The following HMCN1 variants were observed in gnomAD, a reference collection of about 807,000 sequenced individuals.
HMCN1 encodes hemicentin 1.
Under a neutral mutation model 625.9 loss-of-function variants are expected in HMCN1, and 321 were observed. That is an observed-to-expected ratio of 0.51 (90% CI 0.47 to 0.56). HMCN1 has a LOEUF of 0.56. Ranked by LOEUF, HMCN1 falls within the 20% of genes least tolerant of loss-of-function variation. HMCN1 has a pLI of 0.00. For missense variants in HMCN1, 6,588 were observed against 6,887.3 expected (o/e 0.96, Z 1.54); for synonymous variants, 2,425 against 2,417.6 (o/e 1.00, Z -0.09).
chr1:185,986,167 A>G (rs748306186), intron 19 of HMCN1, among the ~76,000 whole-genome samples: 1 of 152,184 alleles, frequency 6.6e-6, no homozygotes, highest in Non-Finnish European at 1.5e-5. Context: ...TTTGCTGGCA[A>G]TTCTTTAAGA....
At chr1:185,951,693 C>CACA (rs1491555422) in intron 11 of HMCN1, among the ~76,000 whole-genome samples, 1 of 151,710 alleles carries the variant, frequency 6.6e-6, no homozygotes, top group African/African-American at 2.4e-5. Context: ...ACAGATGGGA[C>CACA]GTGGCTTAGG....
intron 19 of HMCN1, among the ~76,000 whole-genome samples, chr1:185,985,544 G>A (rs956948357): frequency 3.3e-5 from 5 of 152,154 alleles, no homozygotes; most frequent in South Asian, 4.1e-4. Context: ...ACAGACAAAC[G>A]AATGATATGG....
At position 186,074,902 on chromosome 1, in the gene HMCN1, T is replaced by C; in HGVS notation, c.8290+11T>C. The C allele has an allele frequency of 6.3e-7, 1 of 1,585,596 alleles. No homozygotes were observed. Among genetic ancestry groups the C allele is most frequent in the Non-Finnish European group, 8.7e-7 (1 of 1,154,622 alleles). Reference sequence around the variant, plus strand: ...ATGTGAATATTCAAGGTAATACTAATTGCTTATTGTATATAATGTAATTTA... The same window carrying C: ...ATGTGAATATTCAAGGTAATACTAACTGCTTATTGTATATAATGTAATTTA... On this transcript the variant is annotated intron_variant, in intron 53 of 106. Transcript: ENST00000271588.
chr1:186,178,096 G>A (rs961050032), intron 103 of HMCN1, among the ~76,000 whole-genome samples: 3 of 152,198 alleles, frequency 2.0e-5, no homozygotes, highest in Admixed American at 6.5e-5. Context: ...GCCATCATAA[G>A]TGAGTCAAAG....
chr1:185,896,532 G>T (rs1258396555), intron 4 of HMCN1, among the ~76,000 whole-genome samples: 5 of 152,086 alleles, frequency 3.3e-5, no homozygotes, highest in Admixed American at 6.6e-5. Context: ...TGTTTACATA[G>T]AATTTATTAC....
chr1:185,779,803 T>G (rs895354554), intron 1 of HMCN1, among the ~76,000 whole-genome samples: 2 of 152,226 alleles, frequency 1.3e-5, no homozygotes, highest in Non-Finnish European at 2.9e-5. Flanking sequence ...TTTGTTCTTT[T>G]GGTTTAGGAT....
chr1:186,112,164 A>G (rs1483444145), intron 71 of HMCN1, among the ~76,000 whole-genome samples: 1 of 152,246 alleles, frequency 6.6e-6, no homozygotes, highest in Non-Finnish European at 1.5e-5. Context: ...ATTCTTAAGA[A>G]ATATTTGTGG....
intron 98 of HMCN1, 148 bp downstream of exon 98, chr1:186,165,321 A>T: frequency 1.3e-6 from 1 of 780,492 alleles, no homozygotes. Context: ...GGAAATTGAG[A>T]TGTAGAAAAG....
Position 186,003,751 on chromosome 1 carries a change from A to T in HMCN1, c.4382A>T (p.Asn1461Ile). ...PPTIIGTNFP[N>I]EVSVVLNRDV... Reference sequence around the variant, plus strand: ...ACCATAATAGGTACCAACTTCCCAAATGAAGTCTCAGTTGTCCTCAACCGT... The same window carrying T: ...ACCATAATAGGTACCAACTTCCCAATTGAAGTCTCAGTTGTCCTCAACCGT... Residue 1461 changes from asparagine to isoleucine, a missense_variant, in exon 29 of 107, where the codon AAT (asparagine) becomes ATT (isoleucine). Transcript: ENST00000271588. 6.2e-7 allele frequency: 1 copy of T among 1,613,208 alleles called. No individual in the cohort carries two copies. Among genetic ancestry groups the T allele is most frequent in the South Asian group, 1.1e-5 (1 of 91,068 alleles).
chr1:185,791,916 G>A (rs1202337886), intron 1 of HMCN1, among the ~76,000 whole-genome samples: 1 of 152,128 alleles, frequency 6.6e-6, no homozygotes, highest in Non-Finnish European at 1.5e-5. Context: ...TCCAGGATAT[G>A]CTTCACCCAG....
chr1:186,047,231 A>G (rs937180941), intron 41 of HMCN1, among the ~76,000 whole-genome samples: 5 of 152,134 alleles, frequency 3.3e-5, no homozygotes, highest in African/African-American at 1.2e-4. Context: ...CTGCTGAATG[A>G]AAGAGGGATG....
chr1:185,840,361 A>G (rs769553487), intron 1 of HMCN1, among the ~76,000 whole-genome samples: 7 of 152,168 alleles, frequency 4.6e-5, no homozygotes, highest in Non-Finnish European at 8.8e-5. Flanking sequence ...GGACATTATA[A>G]TTGATTTGTC....
intron 46 of HMCN1, among the ~76,000 whole-genome samples, chr1:186,059,711 T>C (rs1657561202): frequency 6.6e-6 from 1 of 152,070 alleles, no homozygotes; most frequent in Admixed American, 6.6e-5. Context: ...CTAAAAGCAG[T>C]ACTTTGGTGA....
In HMCN1 at chr1:186,095,333, C is replaced by T. The variant is rs1309057589; in HGVS notation, c.10385C>T (p.Thr3462Ile). The part of the protein sequence containing the change: ...STSMACITDG[T>I]PAPSMAWLRD... ...TCTATGGCATGCATTACTGATGGAACCCCAGCTCCCAGTATGGCCTGGCTT... is the reference window on the plus strand; with the variant it reads ...TCTATGGCATGCATTACTGATGGAATCCCAGCTCCCAGTATGGCCTGGCTT... Residue 3462 changes from threonine (T) to isoleucine (I), a missense_variant, in exon 68 of 107, where the codon ACC becomes ATC. Physicochemically the swap from Thr to Ile is moderately conservative, Grantham distance 89 (BLOSUM62 -1). Coordinates refer to ENST00000271588, the MANE Select transcript of HMCN1 (RefSeq NM_031935.3). 3.1e-6 allele frequency: 5 copies of T among 1,613,636 alleles called. No individual in the cohort carries two copies. Among genetic ancestry groups the T allele is most frequent in the Admixed American group, 1.7e-5 (1 of 59,870 alleles).
chr1:186,011,914 T>G (rs1654026585), intron 30 of HMCN1, among the ~76,000 whole-genome samples: 1 of 152,228 alleles, frequency 6.6e-6, no homozygotes, highest in African/African-American at 2.4e-5. Context: ...TAAGAATGAT[T>G]CTTTTCATTC....
intron 40 of HMCN1, among the ~76,000 whole-genome samples, chr1:186,044,481 C>T (rs945892734): frequency 6.6e-6 from 1 of 152,088 alleles, no homozygotes; most frequent in South Asian, 2.1e-4. Flanking sequence ...CTCATGGTTA[C>T]GGAGGCACAA....
chr1:185,929,091 G>A (rs774819943), intron 10 of HMCN1, among the ~76,000 whole-genome samples: 8 of 151,994 alleles, frequency 5.3e-5, no homozygotes, highest in Non-Finnish European at 1.0e-4. Context: ...GCATTTTCCC[G>A]TGAGAAAATA....
At chr1:185,900,327 C>A (rs1051134141) in intron 4 of HMCN1, among the ~76,000 whole-genome samples, 1 of 152,006 alleles carries the variant, frequency 6.6e-6, no homozygotes, top group East Asian at 1.9e-4. Context: ...AGATATCTGG[C>A]AACTGCTGAA....
chr1:185,905,760 A>G (rs1268281462), intron 4 of HMCN1, among the ~76,000 whole-genome samples: 1 of 151,812 alleles, frequency 6.6e-6, no homozygotes, highest in African/African-American at 2.4e-5. Flanking sequence ...CAAAATCTTT[A>G]TGAGACTATA....
Sources: allele counts gnomAD v4.1 joint callset (sites outside exome capture counted in the v4.1 genomes callset), GRCh38; gene constraint gnomAD v4.1.1; transcripts MANE v1.5; gene names NCBI Gene and HGNC (gene_info 2026-07-23, HGNC 2026-07-21).